ARHGEF3: variants seen among roughly 807,000 people sequenced by gnomAD.
The protein encoded by ARHGEF3 is 59.8 kDA protein.
A neutral mutation model predicts 63.2 loss-of-function variants in ARHGEF3; 28 were observed. The observed-to-expected ratio is 0.44, with a 90% CI of 0.33 to 0.61. ARHGEF3 has a LOEUF of 0.61. Ranked by LOEUF, ARHGEF3 falls within the 20% of genes least tolerant of loss-of-function variation. ARHGEF3 has a pLI of 0.03. For missense variants in ARHGEF3, 533 were observed against 659.3 expected, an observed-to-expected ratio of 0.81 and a Z score of 2.10; for synonymous variants, 266 against 254.2, an observed-to-expected ratio of 1.05 and a Z score of -0.44.
At chr3:56,882,214 C>A in intron 4 of ARHGEF3, 1 of 1,398,756 alleles carries the variant, frequency 7.1e-7, no homozygotes, top group Non-Finnish European at 9.8e-7. Flanking sequence ...TTCAAGCACA[C>A]AGCATATTAT....
At chr3:57,065,388 G>C (rs1219954357) in intron 1 of ARHGEF3, among the ~76,000 whole-genome samples, 2 of 152,060 alleles carry the variant, frequency 1.3e-5, no homozygotes, top group Non-Finnish European at 2.9e-5. Context: ...TTGAGCCCAG[G>C]AGGCAGAGGT....
rs1462373588 is a variant in ARHGEF3 at position 56,875,139 on chromosome 3, C to T, written c.192+7153G>A. On this transcript the variant is annotated intron_variant, in intron 4 of 12. Transcript: ENST00000338458. The stretch of plus-strand genomic sequence containing the variant: ...CTTCTATCCACTCCGTTTGCCTCAT[C>T]TCTAAAGGGGTAATATGAGGATTAA... 1.3e-4 allele frequency among the ~76,000 whole-genome samples: 20 copies of T among 152,150 alleles called. 1 individual carries two copies. Among genetic ancestry groups the T allele is most frequent in the Admixed American group, 1.3e-3 (20 of 15,272 alleles).
intron 6 of ARHGEF3, among the ~76,000 whole-genome samples, chr3:56,745,913 C>T (rs906559562): frequency 1.3e-5 from 2 of 152,142 alleles, no homozygotes; most frequent in African/African-American, 2.4e-5. Flanking sequence ...CCTCGTGATC[C>T]GCCCGCCTCG....
At chr3:56,975,261 T>C (rs1355266432) in intron 2 of ARHGEF3, among the ~76,000 whole-genome samples, 1 of 151,910 alleles carries the variant, frequency 6.6e-6, no homozygotes, top group Non-Finnish European at 1.5e-5. Context: ...CTACTAAAAA[T>C]TCAAAAATTA....
chr3:57,029,784 G>C (rs1032236001), intron 2 of ARHGEF3, among the ~76,000 whole-genome samples: 1 of 152,114 alleles, frequency 6.6e-6, no homozygotes, highest in Non-Finnish European at 1.5e-5. Flanking sequence ...GAGAGATGTC[G>C]CCTTGCCCAG....
In ARHGEF3 at chr3:56,729,551, T is replaced by C. The variant is rs2032963245; in HGVS notation, c.1300A>G (p.Thr434Ala). The C allele has an allele frequency of 3.1e-6, 5 of 1,614,096 alleles. No homozygotes were observed. The highest frequency in any genetic ancestry group is 1.3e-5 in the African/African-American group (1 of 75,052). The change falls in exon 10 of 10, where the codon ACT becomes GCT. Residue 434 changes from threonine (T) to alanine (A), a missense_variant. Thr to Ala is a moderately conservative substitution (Grantham distance 58). Around this residue, in one of 4 missense-constraint regions of ARHGEF3, gnomAD observed 151 missense variants for 190.7 expected, o/e 0.79. Coordinates refer to ENST00000296315, the MANE Select transcript of ARHGEF3 (RefSeq NM_019555.3). ...SQTHSLQAND[T>A]FNKQQWLNCI... ...TTAAGCCACTGCTGTTTGTTGAAAG[T>C]GTCATTGGCTTGTAGCGAGTGGGTC...
intron 1 of ARHGEF3, among the ~76,000 whole-genome samples, chr3:57,077,225 C>T (rs1220983858): frequency 6.6e-6 from 1 of 152,164 alleles, no homozygotes; most frequent in Non-Finnish European, 1.5e-5. Context: ...CCTAATTGAC[C>T]AAGTCAAGGC....
intron 4 of ARHGEF3, among the ~76,000 whole-genome samples, chr3:56,824,878 A>G (rs190077390): frequency 6.6e-6 from 1 of 152,360 alleles, no homozygotes; most frequent in Non-Finnish European, 1.5e-5. Flanking sequence ...TCTCAGAGTA[A>G]AACACTTCAG....
At chr3:56,815,592 A>G (rs73833733) in intron 4 of ARHGEF3, among the ~76,000 whole-genome samples, 6,113 of 152,320 alleles carry the variant, frequency 0.04, 394 homozygotes, top group African/African-American at 0.14. Context: ...AGGTTGAAAC[A>G]GAGGAAAGAT....
intron 3 of ARHGEF3, among the ~76,000 whole-genome samples, chr3:56,942,704 T>C (rs1699248873): frequency 6.6e-6 from 1 of 152,364 alleles, no homozygotes; most frequent in East Asian, 1.9e-4. Flanking sequence ...GGCTGAAAGT[T>C]AGGCCTATTG....
At chr3:56,996,892 T>TAGTA (rs202043317) in intron 2 of ARHGEF3, among the ~76,000 whole-genome samples, 1 of 122,524 alleles carries the variant, frequency 8.2e-6, no homozygotes, top group African/African-American at 3.2e-5. Flanking sequence ...TTATTATTAT[T>TAGTA]TTTTTTTTTT....
At chr3:56,819,701 G>A (rs1178217991) in intron 4 of ARHGEF3, among the ~76,000 whole-genome samples, 1 of 151,688 alleles carries the variant, frequency 6.6e-6, no homozygotes, top group African/African-American at 2.4e-5. Context: ...TTTATTTTTT[G>A]TAGAAATGGG....
chr3:56,900,209 A>G (rs2041458171), intron 3 of ARHGEF3, among the ~76,000 whole-genome samples: 1 of 152,216 alleles, frequency 6.6e-6, no homozygotes, highest in Non-Finnish European at 1.5e-5. Context: ...CCACTTTTGG[A>G]TGTGTTATAA....
At chr3:56,995,382 T>C (rs529456042) in intron 2 of ARHGEF3, among the ~76,000 whole-genome samples, 1 of 152,126 alleles carries the variant, frequency 6.6e-6, no homozygotes, top group African/African-American at 2.4e-5. Flanking sequence ...TAATGTGAAA[T>C]GCTAAAAAAA....
At chr3:56,945,060 G>C (rs578153783) in intron 3 of ARHGEF3, among the ~76,000 whole-genome samples, 48 of 152,242 alleles carry the variant, frequency 3.2e-4, no homozygotes, top group African/African-American at 1.2e-3. Flanking sequence ...TATTCTACAG[G>C]AAATCTTTCA....
intron 4 of ARHGEF3, among the ~76,000 whole-genome samples, chr3:56,845,302 T>C (rs1445222453): frequency 6.6e-6 from 1 of 152,218 alleles, no homozygotes; most frequent in Non-Finnish European, 1.5e-5. Flanking sequence ...AATTGCACCA[T>C]AATAAATGTG....
chr3:56,827,769 A>AT, intron 4 of ARHGEF3, among the ~76,000 whole-genome samples: 1 of 123,422 alleles, frequency 8.1e-6, no homozygotes, highest in East Asian at 2.1e-4. Context: ...AAAAAAAAAA[A>AT]AAAACAGAAA....
intron 1 of ARHGEF3, chr3:57,078,984 C>G: frequency 3.0e-6 from 1 of 332,866 alleles, no homozygotes; most frequent in Non-Finnish European, 5.4e-6. Context: ...GCCCAGTGCG[C>G]CCCCGTGCGC....
chr3:57,024,730 G>A (rs529176605), intron 2 of ARHGEF3, among the ~76,000 whole-genome samples: 6 of 152,090 alleles, frequency 3.9e-5, no homozygotes, highest in South Asian at 4.1e-4. Flanking sequence ...CTCATGATCC[G>A]CCCGCCTCGG....
Sources: allele counts gnomAD v4.1 joint callset (sites outside exome capture counted in the v4.1 genomes callset), GRCh38; gene constraint gnomAD v4.1.1; regional missense constraint gnomAD v4.1.1; transcripts MANE v1.5; gene names NCBI Gene and HGNC (gene_info 2026-07-23, HGNC 2026-07-21).